The following MFSD6 variants were observed in gnomAD, a reference collection of about 807,000 sequenced individuals.
MFSD6 encodes the protein major facilitator superfamily domain-containing protein 6.
MFSD6 carries 26 observed loss-of-function variants against 56.3 expected under a neutral mutation model. The ratio of observed to expected loss-of-function variants is 0.46; its 90% confidence interval spans 0.34 to 0.64. The LOEUF (loss-of-function observed/expected upper bound fraction) is 0.64. Among genes scored for constraint, MFSD6 ranks in the 30% least tolerant of loss-of-function variants. MFSD6 has a pLI of 0.01. For missense variants in MFSD6, 750 were observed against 986.2 expected, an observed-to-expected ratio of 0.76 and a Z score of 3.21; for synonymous variants, 331 against 366.9, an observed-to-expected ratio of 0.90 and a Z score of 1.12.
intron 4 of MFSD6, among the ~76,000 whole-genome samples, chr2:190,480,025 T>C (rs537800337): frequency 7.2e-5 from 11 of 152,294 alleles, no homozygotes; most frequent in Admixed American, 7.2e-4. Context: ...CAGCTAGGCA[T>C]GGTGGCATGC....
Position 190,415,285 on chromosome 2 carries a change from T to C in MFSD6, c.-175-7T>C, listed in dbSNP as rs1430873593. 6.6e-6 allele frequency: 1 copy of C among 152,214 alleles called. No homozygotes were observed. Among genetic ancestry groups the C allele is most frequent in the Admixed American group, 6.5e-5 (1 of 15,282 alleles). The allele number at this position is 152,214 out of a possible 1,614,324, so 9.4% of individuals were successfully genotyped here. A position where few individuals can be genotyped will look rare whatever the true frequency, so the allele number is the denominator to read the frequency against. ...TATCTATCTTTTTTATTTTTATTTA[T>C]TTACAGACAGGATCTCTCTCAGTTA... On this transcript the variant is annotated splice_polypyrimidine_tract_variant and splice_region_variant and intron_variant, in intron 1 of 7. Coordinates refer to ENST00000392328, the MANE Select transcript of MFSD6 (RefSeq NM_017694.4). This position sits in a 1 kb window ranked among gnomAD's most constrained non-coding sequence, Gnocchi z 4.5.
chr2:190,495,435 A>G lies in MFSD6; in HGVS notation c.1892-2004A>G, dbSNP rs1157961249. On this transcript the variant is annotated intron_variant, in intron 6 of 7. Transcript: ENST00000392328. This position sits in a 1 kb window ranked among gnomAD's most constrained non-coding sequence, Gnocchi z 4.7. The stretch of plus-strand genomic sequence containing the variant: ...ATGACCATACTGCTAAAAGCAATCT[A>G]CAAATTCAATGCAATTCCCATCAAA... Among the ~76,000 whole-genome samples, 1 of 152,306 alleles carries G rather than the reference A, an allele frequency of 6.6e-6. No individual in the cohort carries two copies. The highest frequency in any genetic ancestry group is 2.4e-5 in the African/African-American group (1 of 41,574).
chr2:190,437,206 T>A lies in MFSD6; in HGVS notation c.1177T>A (p.Tyr393Asn), dbSNP rs543190881. ...CGTTGCCACTCAGTTCCGGTTCCGC[T>A]ACAACCATTTCAAAAACGATGATTC... ...LIVATQFRFR[Y>N]NHFKNDDSKG... is the part of the protein sequence containing the mutation. Residue 393 changes from tyrosine (Y) to asparagine (N), a missense_variant, in exon 3 of 8, where the codon TAC becomes AAC. Around this residue, in one of 5 missense-constraint regions of MFSD6, gnomAD observed 376 missense variants for 437.9 expected, o/e 0.86. Coordinates refer to ENST00000392328, the MANE Select transcript of MFSD6 (RefSeq NM_017694.4). The surrounding 1 kb of genome is among the most constrained non-coding windows in gnomAD (Gnocchi z 5.9). 1.9e-5 allele frequency: 31 copies of A among 1,614,198 alleles called. No individual in the cohort carries two copies. The South Asian group carries it at 3.4e-4, about 18-fold the overall frequency.
chr2:190,478,214 T>G (rs557996392), intron 4 of MFSD6, among the ~76,000 whole-genome samples: 1 of 152,266 alleles, frequency 6.6e-6, no homozygotes, highest in African/African-American at 2.4e-5. Context: ...CTTATGCCAG[T>G]AGAAACCTAG....
intron 4 of MFSD6, among the ~76,000 whole-genome samples, chr2:190,479,459 T>C (rs1688535949): frequency 6.6e-6 from 1 of 152,242 alleles, no homozygotes; most frequent in Admixed American, 6.5e-5. Flanking sequence ...TATATTTATT[T>C]CTCAAGACCT....
chr2:190,419,996 A>G (rs1575818567), intron 2 of MFSD6, among the ~76,000 whole-genome samples: 1 of 152,260 alleles, frequency 6.6e-6, no homozygotes, highest in Non-Finnish European at 1.5e-5. Context: ...AATATTTCCC[A>G]GAAAAGATCA....
chr2:190,427,886 C>T (rs1341971937), intron 2 of MFSD6, among the ~76,000 whole-genome samples: 1 of 152,154 alleles, frequency 6.6e-6, no homozygotes, highest in Non-Finnish European at 1.5e-5. Context: ...TGCCTGCCAC[C>T]ATGCCCAGCT....
chr2:190,419,193 A>T (rs1690910571), intron 2 of MFSD6, among the ~76,000 whole-genome samples: 1 of 152,234 alleles, frequency 6.6e-6, no homozygotes, highest in East Asian at 1.9e-4. Flanking sequence ...TGTCTCTGGA[A>T]AAAGCTCTAT....
rs140561277 is a variant in MFSD6, at chr2:190,461,994, G to A, written c.1533-7764G>A. ...CTACCACTTAAATCTTTATTATTAT[G>A]TGATTATTAGGAAGTACATAACTCA... On this transcript the variant is annotated intron_variant, in intron 3 of 7. Coordinates refer to ENST00000392328, the MANE Select transcript of MFSD6 (RefSeq NM_017694.4). The surrounding 1 kb of genome is among the most constrained non-coding windows in gnomAD (Gnocchi z 5.5). Among the ~76,000 whole-genome samples, 43 of 152,080 alleles carry A rather than the reference G, an allele frequency of 2.8e-4. No individual in the cohort carries two copies. The highest frequency in any genetic ancestry group is 9.6e-4 in the African/African-American group (40 of 41,478).
At chr2:190,455,512 T>G (rs1205204023) in intron 3 of MFSD6, among the ~76,000 whole-genome samples, 1 of 152,162 alleles carries the variant, frequency 6.6e-6, no homozygotes, top group Non-Finnish European at 1.5e-5. Context: ...GCTTCTGCAG[T>G]TTGTTGATCT....
At position 190,488,668 on chromosome 2, in the gene MFSD6, G is replaced by A. The variant is rs1373885293; in HGVS notation, c.1642G>A (p.Ala548Thr). The part of the protein sequence containing the change: ...PMEVLQGVTH[A>T]AIWAACISYL... ...TTCTTCCTCTCCAGGAGTGACACAC[G>A]CGGCCATCTGGGCAGCATGCATTTC... Residue 548 changes from alanine (A) to threonine (T), a missense_variant, in exon 5 of 8, where the codon GCG becomes ACG. Physicochemically the swap from Ala to Thr is moderately conservative, Grantham distance 58. Around this residue, in one of 5 missense-constraint regions of MFSD6, gnomAD observed 125 missense variants for 223.1 expected, o/e 0.56. Coordinates refer to ENST00000392328, the MANE Select transcript of MFSD6 (RefSeq NM_017694.4). The surrounding 1 kb of genome is among the most constrained non-coding windows in gnomAD (Gnocchi z 6.4). 6.4e-7 allele frequency: 1 copy of A among 1,553,030 alleles called. No homozygotes were observed.
chr2:190,421,222 CCTT>C (rs1220405129), intron 2 of MFSD6, among the ~76,000 whole-genome samples: 4 of 152,148 alleles, frequency 2.6e-5, no homozygotes, highest in Non-Finnish European at 4.4e-5. Context: ...GACTTTGTGT[CCTT>C]CTCTGATCTA....
At chr2:190,493,520 G>C (rs935753377) in intron 6 of MFSD6, among the ~76,000 whole-genome samples, 35 of 151,990 alleles carry the variant, frequency 2.3e-4, no homozygotes, top group African/African-American at 8.2e-4. Context: ...CTATACCCTG[G>C]AACAAATGAA....
rs187787063 is a variant in MFSD6, at chr2:190,438,393, G to A, written c.1532+832G>A. On this transcript the variant is annotated intron_variant, in intron 3 of 7. Coordinates refer to ENST00000392328, the MANE Select transcript of MFSD6 (RefSeq NM_017694.4). This position sits in a 1 kb window ranked among gnomAD's most constrained non-coding sequence, Gnocchi z 5.2. ...TAGCCGGGCATGGTGGCACGCACCC[G>A]TAGTCCCAGCTACTCGGGAGGCTGA... 9.9e-5 allele frequency among the ~76,000 whole-genome samples: 15 copies of A among 152,186 alleles called. No homozygotes were observed. Among genetic ancestry groups the A allele is most frequent in the East Asian group, 7.7e-4 (4 of 5,180 alleles).
At position 190,430,087 on chromosome 2, in the gene MFSD6, A is replaced by G. The variant is rs951931475; in HGVS notation, c.-53-5890A>G. Among the ~76,000 whole-genome samples, 14 of 151,620 alleles carry G rather than the reference A, an allele frequency of 9.2e-5. No individual in the cohort carries two copies. The East Asian group carries it at 2.7e-3, about 29-fold the overall frequency. ...GTTCAATTTCCACCTATAAGTGAGA[A>G]CATGTGGTGTTTGGTTTTCTGTCCT... is the stretch of plus-strand genomic sequence containing the variant. On this transcript the variant is annotated intron_variant, in intron 2 of 7. Transcript: ENST00000392328.
rs767825300 is a variant in MFSD6 at position 190,436,654 on chromosome 2, T to A, written c.625T>A (p.Ser209Thr). ...CCTTTTGGAAACAAGGCTCAATGTCTCAGACACCGTTACTTTGCCAACAGC... is the reference window on the plus strand; with the variant it reads ...CCTTTTGGAAACAAGGCTCAATGTCACAGACACCGTTACTTTGCCAACAGC... Reference protein sequence around the residue: ...RNLLETRLNVSDTVTLPTAPN... With the variant: ...RNLLETRLNVTDTVTLPTAPN... Residue 209 changes from serine (S) to threonine (T), a missense_variant, in exon 3 of 8, where the codon TCA (serine) becomes ACA (threonine). This residue lies in a region of MFSD6 where 376 missense variants were observed against 437.9 expected (regional missense o/e 0.86). Transcript: ENST00000392328. The surrounding 1 kb of genome is among the most constrained non-coding windows in gnomAD (Gnocchi z 5.3). 1 of 1,614,182 alleles carries A rather than the reference T, an allele frequency of 6.2e-7. No homozygotes were observed. The highest frequency in any genetic ancestry group is 1.1e-5 in the South Asian group (1 of 91,086).
intron 2 of MFSD6, among the ~76,000 whole-genome samples, chr2:190,428,114 T>C (rs1344210384): frequency 6.6e-6 from 1 of 152,254 alleles, no homozygotes; most frequent in Admixed American, 6.5e-5. Flanking sequence ...CAGTGATCTT[T>C]TGTTTCCTGC....
In MFSD6 at chr2:190,439,963, C is replaced by G. The variant is rs1414011449; in HGVS notation, c.1532+2402C>G. Among the ~76,000 whole-genome samples, 2 of 152,160 alleles carry G rather than the reference C, an allele frequency of 1.3e-5. No individual in the cohort carries two copies. The highest frequency in any genetic ancestry group is 2.9e-5 in the Non-Finnish European group (2 of 68,040). On this transcript the variant is annotated intron_variant, in intron 3 of 7. Transcript: ENST00000392328. The surrounding 1 kb of genome is among the most constrained non-coding windows in gnomAD (Gnocchi z 5.8). ...GTTGTGATTTGGGGATTTAAACTTT[C>G]CACTGGAAGAATACCATTCATTAAG...
In MFSD6 at chr2:190,497,599, C is replaced by T. The variant is rs770764499; in HGVS notation, c.2052C>T (p.Asn684=). 13 of 1,614,052 alleles carry T rather than the reference C, an allele frequency of 8.1e-6. No individual in the cohort carries two copies. The highest frequency in any genetic ancestry group is 1.1e-5 in the Non-Finnish European group (13 of 1,180,032). ...ACCAGGAAGAACAGGAAGATGTGAACAAACCAGCCTGGGGAGTCAGCTCTT... is the reference window on the plus strand; with the variant it reads ...ACCAGGAAGAACAGGAAGATGTGAATAAACCAGCCTGGGGAGTCAGCTCTT... ...TKHQEEQEDV[N]KPAWGVSSSP... Residue 684 remains asparagine, a synonymous_variant, in exon 7 of 8, where the codon AAC becomes AAT. Transcript: ENST00000392328. This position sits in a 1 kb window ranked among gnomAD's most constrained non-coding sequence, Gnocchi z 5.2.
Sources: gnomAD v4.1 joint callset for allele counts (sites outside exome capture counted in the v4.1 genomes callset) on GRCh38, gnomAD v4.1.1 for gene constraint, gnomAD v4.1.1 regional missense constraint, Gnocchi (gnomAD v3.1) non-coding constraint, MANE v1.5 for transcripts, NCBI Gene and HGNC (gene_info 2026-07-23, HGNC 2026-07-21) for gene names.